The following VPS9D1 variants were observed in gnomAD, a reference collection of about 807,000 sequenced individuals.
VPS9D1 encodes VPS9 domain containing 1, also known as VPS9 domain-containing protein 1.
Under a neutral mutation model 75.8 loss-of-function variants are expected in VPS9D1, and 78 were observed. The observed-to-expected ratio is 1.03, with a 90% CI of 0.86 to 1.24. The LOEUF is 1.24. VPS9D1 is among the 50% of genes most tolerant of loss of function. The pLI is 0.00. For synonymous variants in VPS9D1, 481 were observed against 385.6 expected, an observed-to-expected ratio of 1.25 and a Z score of -2.90; for missense variants, 1,057 against 847.7, an observed-to-expected ratio of 1.25 and a Z score of -3.07.
At chr16:89,715,663 A>G (rs1419604721) in intron 4 of VPS9D1, among the ~76,000 whole-genome samples, 1 of 151,514 alleles carries the variant, frequency 6.6e-6, no homozygotes, top group Non-Finnish European at 1.5e-5. Context: ...TTGGGACTAC[A>G]GGGGCACACC....
rs768626955 is a variant in VPS9D1, at chr16:89,712,417, T to A, written c.606+43A>T. 6.8e-6 allele frequency: 11 copies of A among 1,609,804 alleles called. No homozygotes were observed. The South Asian group carries it at 1.1e-4, about 16-fold the overall frequency. ...CTCTGCCCTTGGCTCAAGGCCACACTGAGTTTCCCCTCGGGGACCACCAGG... is the reference window on the plus strand; with the variant it reads ...CTCTGCCCTTGGCTCAAGGCCACACAGAGTTTCCCCTCGGGGACCACCAGG... On this transcript the variant is annotated intron_variant, in intron 6 of 14. Coordinates refer to ENST00000389386, the MANE Select transcript of VPS9D1 (RefSeq NM_004913.3).
At position 89,707,754 on chromosome 16, in the gene VPS9D1, C is replaced by G. The variant is rs1225578356; in HGVS notation, c.*107G>C. On this transcript the variant is annotated 3_prime_UTR_variant, in exon 15 of 15. Coordinates refer to ENST00000389386, the MANE Select transcript of VPS9D1 (RefSeq NM_004913.3). ...CAAGCCCCCACCATGTGCAGAGCAG[C>G]GTGAGGCTCCAGGATGGTCCTCAGT... 4.1e-6 allele frequency: 4 copies of G among 963,908 alleles called. 1 individual carries two copies. The highest frequency in any genetic ancestry group is 6.4e-6 in the Non-Finnish European group (4 of 621,582). The allele number at this position is 963,908 out of a possible 1,614,324, so 59.7% of individuals were successfully genotyped here.
chr16:89,719,272 T>C, intron 1 of VPS9D1, 170 bp from the exon 2 acceptor site: 2 of 690,520 alleles, frequency 2.9e-6, no homozygotes, highest in African/African-American at 1.8e-5. Context: ...GGAACACGGT[T>C]TTCTGCGCAG....
intron 1 of VPS9D1, 152 bp downstream of exon 1, chr16:89,720,611 C>A: frequency 8.2e-7 from 1 of 1,223,350 alleles, no homozygotes; most frequent in South Asian, 3.1e-5. Flanking sequence ...GCGCCCCGCC[C>A]CCGTCCTCGC....
chr16:89,719,611 A>G (rs2061189186), intron 1 of VPS9D1, among the ~76,000 whole-genome samples: 1 of 152,186 alleles, frequency 6.6e-6, no homozygotes, highest in Non-Finnish European at 1.5e-5. Flanking sequence ...CCTTTCCCAG[A>G]ACCTGCGAGT....
rs1221782200 is a variant in VPS9D1, at chr16:89,708,530, C to T, written c.1699G>A (p.Gly567Ser). The T allele has an allele frequency of 1.4e-5, 22 of 1,612,414 alleles. No individual in the cohort carries two copies. The highest frequency in any genetic ancestry group is 1.9e-5 in the Non-Finnish European group (22 of 1,179,726). Reference protein sequence around the residue: ...GPPPIAAAAIGADDLLPILSF... With the variant: ...GPPPIAAAAISADDLLPILSF... ...AGGATGGGCAGCAGGTCATCGGCAC[C>T]ACTGTCGGGAGGGCATAGCGGCCTT... is the stretch of plus-strand genomic sequence containing the variant. The change falls in exon 14 of 15, where the codon GGT (glycine) becomes AGT (serine). Residue 567 changes from glycine to serine, a missense_variant and splice_region_variant. Physicochemically the swap from Gly to Ser is moderately conservative, Grantham distance 56 (BLOSUM62 0). Coordinates refer to ENST00000389386, the MANE Select transcript of VPS9D1 (RefSeq NM_004913.3).
In VPS9D1 at chr16:89,710,763, C is replaced by A. The variant is rs1289934077; in HGVS notation, c.1081G>T (p.Gly361Trp). 1 of 1,564,052 alleles carries A rather than the reference C, an allele frequency of 6.4e-7. No homozygotes were observed. Among genetic ancestry groups the A allele is most frequent in the Non-Finnish European group, 8.7e-7 (1 of 1,154,390 alleles). Residue 361 changes from glycine (G) to tryptophan (W), a missense_variant, in exon 10 of 15, where the codon GGG becomes TGG. Transcript: ENST00000389386. ...PTPPLQPGPV[G>W]SPSPLGDTAS... ...GTGTCCCCCAGGGGTGAGGGAGACCCCACGGGGCCGGGTTGGAGTGGGGGC... is the reference window on the plus strand; with the variant it reads ...GTGTCCCCCAGGGGTGAGGGAGACCACACGGGGCCGGGTTGGAGTGGGGGC...
rs1567542721 is a variant in VPS9D1, at chr16:89,710,576, C to G, written c.1258+10G>C. Reference sequence around the variant, plus strand: ...CTGCGGCGGCTCTCCCAGGGAGGGCCTGGCCTCACCTACGGCATTGTGGAT... The same window carrying G: ...CTGCGGCGGCTCTCCCAGGGAGGGCGTGGCCTCACCTACGGCATTGTGGAT... On this transcript the variant is annotated intron_variant, in intron 10 of 14. Transcript: ENST00000389386. 6.3e-7 allele frequency: 1 copy of G among 1,584,702 alleles called. No individual in the cohort carries two copies. The highest frequency in any genetic ancestry group is 1.1e-5 in the South Asian group (1 of 89,238).
At chr16:89,720,728 C>G (rs770214751) in intron 1 of VPS9D1, 35 bp downstream of exon 1, 4 of 1,418,054 alleles carry the variant, frequency 2.8e-6, no homozygotes, top group South Asian at 2.9e-5. Context: ...AGGGGCCACC[C>G]TCAGCGGCCA....
chr16:89,717,771 G>A (rs567111658), intron 2 of VPS9D1: 30 of 456,682 alleles, frequency 6.6e-5, no homozygotes, highest in African/African-American at 3.4e-4. Flanking sequence ...ATCTTGGAGC[G>A]CCAGAGCTCA....
In VPS9D1 at chr16:89,711,269, G is replaced by A; in HGVS notation, c.833+58C>T. ...AGCCCCTCTCCGGCACCTGGCACCA[G>A]GCAGAGGTGCCCAAGGCCGGTGCGC... On this transcript the variant is annotated intron_variant, in intron 9 of 14. Transcript: ENST00000389386. 4 of 1,525,702 alleles carry A rather than the reference G, an allele frequency of 2.6e-6. No homozygotes were observed. In the South Asian group the frequency reaches 4.7e-5, roughly 18 times the overall value. The allele number at this position is 1,525,702 out of a possible 1,614,324, so 94.5% of individuals were successfully genotyped here. A position where few individuals can be genotyped will look rare whatever the true frequency, so the allele number is the denominator to read the frequency against.
In VPS9D1 at chr16:89,709,381, C is replaced by A; in HGVS notation, c.1443G>T (p.Arg481Ser). Residue 481 changes from arginine to serine, a missense_variant, in exon 12 of 15, where the codon AGG becomes AGT. Transcript: ENST00000389386. The part of the protein sequence containing the change: ...AALSRSMELY[R>S]NAPPTAIGIP... ...TGCCAATGGCGGTGGGGGGTGCATT[C>A]CTGTAGAGCTCCATGCTCCTGCTCA... is the stretch of plus-strand genomic sequence containing the variant. The A allele has an allele frequency of 6.4e-7, 1 of 1,556,060 alleles. No homozygotes were observed. The highest frequency in any genetic ancestry group is 8.6e-7 in the Non-Finnish European group (1 of 1,156,166).
chr16:89,720,439 G>A, intron 1 of VPS9D1: 1 of 1,052,554 alleles, frequency 9.5e-7, no homozygotes, highest in Non-Finnish European at 1.1e-6. Flanking sequence ...ACGAACGCAC[G>A]GACCTGCCCG....
intron 13 of VPS9D1, 25 bp downstream of exon 13, chr16:89,708,832 C>T: frequency 6.4e-7 from 1 of 1,562,052 alleles, no homozygotes; most frequent in South Asian, 1.2e-5. Context: ...CCTCCCTGGC[C>T]ACACCTCGCC....
rs549226222 is a variant in VPS9D1, at chr16:89,708,867, C to T, written c.1687G>A (p.Ala563Thr). ...TPQAGPPPIA[A>T]AAIGADDLLP... ...CCTCCTGGGACTCACATGGCAGCTG[C>T]AGCGATGGGCGGGGGCCCGGCCTGG... The change falls in exon 13 of 15, where the codon GCA (alanine) becomes ACA (threonine). Residue 563 changes from alanine (A) to threonine (T), a missense_variant. Ala to Thr is a moderately conservative substitution (Grantham distance 58). Transcript: ENST00000389386. The T allele has an allele frequency of 1.2e-5, 19 of 1,581,376 alleles. No homozygotes were observed. Among genetic ancestry groups the T allele is most frequent in the Non-Finnish European group, 1.6e-5 (19 of 1,171,032 alleles).
intron 4 of VPS9D1, among the ~76,000 whole-genome samples, chr16:89,714,529 G>A (rs967295078): frequency 6.6e-6 from 1 of 152,188 alleles, no homozygotes; most frequent in Admixed American, 6.5e-5. Context: ...AGAGCCTGAC[G>A]CCTGGCCACC....
Position 89,708,707 on chromosome 16 carries a change from C to T in VPS9D1, c.1697+150G>A, listed in dbSNP as rs1053375101. The stretch of plus-strand genomic sequence containing the variant: ...GTCCCTAAAGGGAGCTCCCGTACTG[C>T]GGAGCCAGGGCTGGGCCCACACGGC... On this transcript the variant is annotated intron_variant, in intron 13 of 14. Coordinates refer to ENST00000389386, the MANE Select transcript of VPS9D1 (RefSeq NM_004913.3). The T allele has an allele frequency of 6.7e-5, 73 of 1,090,796 alleles. No individual in the cohort carries two copies. In the African/African-American group the frequency reaches 9.8e-4, roughly 15 times the overall value. 67.6% of individuals were successfully genotyped at this position (1,090,796 alleles called of 1,614,324 possible).
chr16:89,712,692 G>A lies in VPS9D1; in HGVS notation c.456C>T (p.Ala152=), dbSNP rs1172405183. The A allele has an allele frequency of 6.2e-7, 1 of 1,610,040 alleles. No individual in the cohort carries two copies. The highest frequency in any genetic ancestry group is 8.5e-7 in the Non-Finnish European group (1 of 1,177,550). The change falls in exon 5 of 15, where the codon GCC becomes GCT. Residue 152 remains alanine (A), a synonymous_variant. Transcript: ENST00000389386. ...CCTTCAGCTTCTGATTCTGCAGGGA[G>A]GCCTCCTCCAGTGGCGTCAGCTCTC... is the stretch of plus-strand genomic sequence containing the variant. The part of the protein sequence containing the change: ...CKKELTPLEE[A]SLQNQKLKAA...
At position 89,711,019 on chromosome 16, in the gene VPS9D1, G is replaced by A; in HGVS notation, c.834-9C>T. 7.0e-7 allele frequency: 1 copy of A among 1,437,382 alleles called. No individual in the cohort carries two copies. The highest frequency in any genetic ancestry group is 9.1e-7 in the Non-Finnish European group (1 of 1,100,818). The allele number at this position is 1,437,382 out of a possible 1,614,324, so 89.0% of individuals were successfully genotyped here. ...TCGGGTGGTCGGGGAGGCTGCGGGA[G>A]AAGAGGACGTGAGAACGCGGCCAGC... On this transcript the variant is annotated splice_polypyrimidine_tract_variant and intron_variant, in intron 9 of 14. Coordinates refer to ENST00000389386, the MANE Select transcript of VPS9D1 (RefSeq NM_004913.3).
Sources: allele counts gnomAD v4.1 joint callset (sites outside exome capture counted in the v4.1 genomes callset), GRCh38; gene constraint gnomAD v4.1.1; transcripts MANE v1.5; gene names NCBI Gene and HGNC (gene_info 2026-07-23, HGNC 2026-07-21).